The following ADCY10 variants were observed in gnomAD, a reference collection of about 807,000 sequenced individuals.
ADCY10 encodes the protein adenylate cyclase type 10.
ADCY10 carries 156 observed loss-of-function variants against 183.3 expected under a neutral mutation model. The ratio of observed to expected loss-of-function variants is 0.85; its 90% CI spans 0.75 to 0.97. The LOEUF (loss-of-function observed/expected upper bound fraction) is 0.97, where lower values mean the gene tolerates loss of function less well. ADCY10 is among the 50% of genes least tolerant of loss of function. ADCY10 has a pLI of 0.00. For missense variants in ADCY10, 1,745 were observed against 1,934.3 expected (o/e 0.90, Z 1.84); for synonymous variants, 645 against 670.0 (o/e 0.96, Z 0.58).
intron 14 of ADCY10, among the ~76,000 whole-genome samples, chr1:167,861,517 C>T (rs951170121): frequency 1.3e-5 from 2 of 152,236 alleles, no homozygotes; most frequent in Non-Finnish European, 2.9e-5. Context: ...GCTATTTCTC[C>T]TCTCCATGCC....
At chr1:167,872,024 TA>T (rs1304155555) in intron 13 of ADCY10, among the ~76,000 whole-genome samples, 4 of 151,642 alleles carry the variant, frequency 2.6e-5, no homozygotes, top group African/African-American at 9.7e-5. Flanking sequence ...AGTATAATAA[TA>T]AAAAATAAAT....
chr1:167,899,159 C>G (rs937908497), intron 6 of ADCY10, among the ~76,000 whole-genome samples: 1 of 152,154 alleles, frequency 6.6e-6, no homozygotes, highest in African/African-American at 2.4e-5. Flanking sequence ...AGGTCGCTAG[C>G]CCCTCAAAAG....
In ADCY10 at chr1:167,818,172, T is replaced by A; in HGVS notation, c.4382A>T (p.Asp1461Val). Residue 1461 changes from aspartate to valine, a missense_variant, in exon 31 of 33, where the codon GAC becomes GTC. By Grantham distance (152) the Asp-to-Val change is radical. Coordinates refer to ENST00000367851, the MANE Select transcript of ADCY10 (RefSeq NM_018417.6). ...PRRTMTLTYY[D>V]GISRYMEGQV... The stretch of plus-strand genomic sequence containing the variant: ...CCCCTCCATGTACCTAGATATTCCG[T>A]CATAGTAAGTAAGTGTCATGGTTCT... 6.2e-7 allele frequency: 1 copy of A among 1,614,198 alleles called. No homozygotes were observed. The highest frequency in any genetic ancestry group is 8.5e-7 in the Non-Finnish European group (1 of 1,180,018).
chr1:167,879,281 A>T (rs187647750), intron 11 of ADCY10, among the ~76,000 whole-genome samples: 12 of 152,344 alleles, frequency 7.9e-5, no homozygotes, highest in Admixed American at 3.3e-4. Flanking sequence ...AGGGTGGTTT[A>T]TGAAGATTAA....
chr1:167,836,677 A>T (rs1664229192), intron 22 of ADCY10, 137 bp from the exon 23 acceptor site: 2 of 667,602 alleles, frequency 3.0e-6, no homozygotes, highest in African/African-American at 1.8e-5. Flanking sequence ...ATCATCTGAG[A>T]TCAGGAGTTC....
intron 1 of ADCY10, among the ~76,000 whole-genome samples, chr1:167,912,729 T>TTAA (rs1468849712): frequency 6.6e-6 from 1 of 152,234 alleles, no homozygotes; most frequent in Non-Finnish European, 1.5e-5. Flanking sequence ...ACTCCACATG[T>TTAA]GTCTGTGTCG....
Position 167,823,101 on chromosome 1 carries a change from G to A in ADCY10, c.4075C>T (p.Leu1359=), listed in dbSNP as rs73039538. The change falls in exon 29 of 33, where the codon CTG becomes TTG. Residue 1359 remains leucine (L), a synonymous_variant. Transcript: ENST00000367851. Reference sequence around the variant, plus strand: ...ACAGAAAGCTCCCACAGCCGCCCCAGCACCTGGATCAATTGCGGGTATCTA... The same window carrying A: ...ACAGAAAGCTCCCACAGCCGCCCCAACACCTGGATCAATTGCGGGTATCTA... The part of the protein sequence containing the change: ...NSRYPQLIQV[L]GRLWELSVTQ... The A allele has an allele frequency of 9.3e-4, 1,498 of 1,614,124 alleles. 12 individuals carry two copies. In the African/African-American group the frequency reaches 0.017, roughly 19 times the overall value.
intron 26 of ADCY10, among the ~76,000 whole-genome samples, chr1:167,826,148 A>G (rs1663271614): frequency 1.3e-5 from 2 of 152,204 alleles, no homozygotes; most frequent in African/African-American, 2.4e-5. Flanking sequence ...CATCAGTCTT[A>G]GAGAATTCCT....
Position 167,824,835 on chromosome 1 carries a change from G to A in ADCY10, c.3771C>T (p.Asp1257=), listed in dbSNP as rs746499896. ...CAGCCAGGTGGTGGTATAGCGAATA[G>A]TCTAGGTAAGCCTTAATGATCTGAA... The part of the protein sequence containing the change: ...NCFQIIKAYL[D]YSLYHHLAGY... Residue 1257 remains aspartate (D), a synonymous_variant, in exon 27 of 33, where the codon GAC becomes GAT. Coordinates refer to ENST00000367851, the MANE Select transcript of ADCY10 (RefSeq NM_018417.6). 1 of 1,614,232 alleles carries A rather than the reference G, an allele frequency of 6.2e-7. No individual in the cohort carries two copies. The highest frequency in any genetic ancestry group is 8.5e-7 in the Non-Finnish European group (1 of 1,180,050).
Position 167,901,729 on chromosome 1 carries a change from G to A in ADCY10, c.369C>T (p.Ser123=), listed in dbSNP as rs371567589. Reference sequence around the variant, plus strand: ...TCTCAAACAATCCATGGATCTCCAGGCTACATTTAATTACCACTGTGATAA... The same window carrying A: ...TCTCAAACAATCCATGGATCTCCAGACTACATTTAATTACCACTGTGATAA... ...KNIITVVIKC[S]LEIHGLFETQ... Residue 123 remains serine (S), a synonymous_variant, in exon 5 of 33, where the codon AGC becomes AGT. Transcript: ENST00000367851. The A allele has an allele frequency of 1.9e-6, 3 of 1,614,096 alleles. No homozygotes were observed. Among genetic ancestry groups the A allele is most frequent in the Non-Finnish European group, 2.5e-6 (3 of 1,180,018 alleles).
chr1:167,812,134 T>C (rs1385192197), intron 31 of ADCY10, among the ~76,000 whole-genome samples: 3 of 152,200 alleles, frequency 2.0e-5, no homozygotes, highest in Non-Finnish European at 4.4e-5. Flanking sequence ...CTGTCTGAGA[T>C]ATCAGGGATC....
chr1:167,899,763 T>G, intron 5 of ADCY10, 135 bp from the exon 6 acceptor site: 1 of 824,444 alleles, frequency 1.2e-6, no homozygotes, highest in Non-Finnish European at 2.0e-6. Context: ...AAACTTTACA[T>G]AGGAATTATG....
intron 8 of ADCY10, among the ~76,000 whole-genome samples, chr1:167,892,227 T>C (rs404734): frequency 0.26 from 39,933 of 152,074 alleles, 5,628 homozygotes; most frequent in African/African-American, 0.37. Flanking sequence ...CTGTCTGGGC[T>C]TCCCAAAGTG....
At chr1:167,895,150 C>A (rs1668874460) in intron 7 of ADCY10, among the ~76,000 whole-genome samples, 1 of 150,598 alleles carries the variant, frequency 6.6e-6, no homozygotes, top group Non-Finnish European at 1.5e-5. Context: ...CCAGTGCACT[C>A]CAACCTGGTG....
Position 167,845,989 on chromosome 1 carries a change from C to G in ADCY10, c.2712G>C (p.Gly904=), listed in dbSNP as rs907145354. The change falls in exon 20 of 33, where the codon GGG becomes GGC. Residue 904 remains glycine, a synonymous_variant. Coordinates refer to ENST00000367851, the MANE Select transcript of ADCY10 (RefSeq NM_018417.6). The stretch of plus-strand genomic sequence containing the variant: ...GTCACTCCAGGTGCTACTCACCCAT[C>G]CCTTCACTGGGCTTCAGAGACAAGG... ...YRSLSLKPSE[G]MDHGEEEQLR... is the part of the protein sequence containing the mutation. The G allele has an allele frequency of 6.2e-7, 1 of 1,614,220 alleles. No individual in the cohort carries two copies. The highest frequency in any genetic ancestry group is 1.6e-4 in the Middle Eastern group (1 of 6,062).
chr1:167,824,439 C>G (rs1663126216), intron 28 of ADCY10, 37 bp downstream of exon 28: 1 of 1,563,076 alleles, frequency 6.4e-7, no homozygotes, highest in African/African-American at 1.4e-5. Flanking sequence ...ATACGGCCTC[C>G]TCCCCCTAAT....
At chr1:167,836,819 A>C (rs185983671) in intron 22 of ADCY10, among the ~76,000 whole-genome samples, 138 of 152,214 alleles carry the variant, frequency 9.1e-4, no homozygotes, top group Non-Finnish European at 1.3e-3. Context: ...AGGTCAGGAG[A>C]TCAAGACCAT....
rs2101970774 is a variant in ADCY10, at chr1:167,846,165, A to G, written c.2536T>C (p.Phe846Leu). The G allele has an allele frequency of 1.2e-6, 2 of 1,614,156 alleles. No individual in the cohort carries two copies. Among genetic ancestry groups the G allele is most frequent in the Non-Finnish European group, 8.5e-7 (1 of 1,179,976 alleles). Residue 846 changes from phenylalanine to leucine, a missense_variant, in exon 20 of 33, where the codon TTT (phenylalanine) becomes CTT (leucine). Phe to Leu is a conservative substitution (Grantham distance 22). Transcript: ENST00000367851. ...ATATTCCAACAGGGGAGAATCTCAA[A>G]CAACAACTCAGTGGTGAAGGTCAGG... Reference protein sequence around the residue: ...IGLTFTTELLFEILPCWNMKM... With the variant: ...IGLTFTTELLLEILPCWNMKM...
chr1:167,883,403 A>G (rs942863510), intron 9 of ADCY10, 34 bp downstream of exon 9: 5 of 1,608,540 alleles, frequency 3.1e-6, no homozygotes, highest in Non-Finnish European at 4.3e-6. Context: ...ACCTAAAACT[A>G]TTGGTAGGTT....
Sources: allele counts gnomAD v4.1 joint callset (sites outside exome capture counted in the v4.1 genomes callset), GRCh38; gene constraint gnomAD v4.1.1; transcripts MANE v1.5; gene names NCBI Gene and HGNC (gene_info 2026-07-23, HGNC 2026-07-21).